CFAP57: variants seen among roughly 807,000 people sequenced by gnomAD.
CFAP57 encodes cilia and flagella associated protein 57, also known as cilia- and flagella-associated protein 57.
Under a neutral mutation model 146.8 loss-of-function variants are expected in CFAP57, and 116 were observed. That is an observed-to-expected ratio of 0.79 (90% CI 0.68 to 0.92). The LOEUF is 0.92. Ranked by LOEUF, CFAP57 falls within the 40% of genes least tolerant of loss-of-function variation. CFAP57 has a pLI of 0.00. For synonymous variants in CFAP57, 518 were observed against 552.8 expected, an observed-to-expected ratio of 0.94 and a Z score of 0.88; for missense variants, 1,377 against 1,527.2, an observed-to-expected ratio of 0.90 and a Z score of 1.64.
intron 18 of CFAP57, 36 bp from the exon 19 acceptor site, chr1:43,232,472 T>A (rs1435171443): frequency 9.9e-6 from 15 of 1,520,364 alleles, no homozygotes; most frequent in Non-Finnish European, 1.3e-5. Context: ...TTATCTAACT[T>A]TCTTCTTCTT....
At chr1:43,176,055 C>A (rs79479175) in intron 2 of CFAP57, among the ~76,000 whole-genome samples, 3,672 of 152,142 alleles carry the variant, frequency 0.024, 45 homozygotes, top group Middle Eastern at 0.034. Flanking sequence ...TCACCAGGGG[C>A]CTTGTACACA....
In CFAP57 at chr1:43,206,787, A is replaced by G; in HGVS notation, c.1610A>G (p.Tyr537Cys). Residue 537 changes from tyrosine (Y) to cysteine (C), a missense_variant, in exon 10 of 23, where the codon TAT (tyrosine) becomes TGT (cysteine). By Grantham distance (194) the Tyr-to-Cys change is radical (BLOSUM62 -2). Transcript: ENST00000372492. ...TCTGGTGGCACAGATGGTGCTGTGT[A>G]TGAATGGAATCTGTCCACAGGAAAG... Reference protein sequence around the residue: ...LISGGTDGAVYEWNLSTGKRE... With the variant: ...LISGGTDGAVCEWNLSTGKRE... 1 of 1,614,200 alleles carries G rather than the reference A, an allele frequency of 6.2e-7. No individual in the cohort carries two copies. The highest frequency in any genetic ancestry group is 8.5e-7 in the Non-Finnish European group (1 of 1,180,040).
chr1:43,198,506 C>T lies in CFAP57; in HGVS notation c.1288C>T (p.Gln430Ter), dbSNP rs755974272. 1 of 1,613,940 alleles carries T rather than the reference C, an allele frequency of 6.2e-7. No individual in the cohort carries two copies. The highest frequency in any genetic ancestry group is 8.5e-7 in the Non-Finnish European group (1 of 1,180,034). Residue 430 changes from glutamine (Q) to a stop codon, truncating the protein, a stop_gained, in exon 8 of 23, where the codon CAA (glutamine) becomes TAA (stop). Coordinates refer to ENST00000372492, the MANE Select transcript of CFAP57 (RefSeq NM_001378189.1). LOFTEE classifies it high-confidence loss of function. ...TNTLELFKEY[Q>*]EEAYSISLHP... ...CACCCTGGAACTATTTAAGGAATAC[C>T]AAGAAGAGGCATATTCCATCAGCCT...
intron 13 of CFAP57, among the ~76,000 whole-genome samples, chr1:43,220,168 T>C (rs1040968485): frequency 4.6e-5 from 7 of 152,222 alleles, no homozygotes; most frequent in Non-Finnish European, 1.0e-4. Context: ...ATTTAAATTT[T>C]GTTTTACATA....
chr1:43,217,428 C>A (rs1318577270), intron 12 of CFAP57, among the ~76,000 whole-genome samples: 8 of 152,078 alleles, frequency 5.3e-5, no homozygotes, highest in Admixed American at 5.2e-4. Flanking sequence ...CCAGGGCAGA[C>A]CCCTGGGATC....
chr1:43,174,187 T>G (rs1645083690), intron 2 of CFAP57, among the ~76,000 whole-genome samples: 1 of 152,242 alleles, frequency 6.6e-6, no homozygotes, highest in South Asian at 2.1e-4. Flanking sequence ...TATATATATG[T>G]CTTGCAAATA....
At position 43,254,107 on chromosome 1, in the gene CFAP57, G is replaced by A. The variant is rs41269537; in HGVS notation, c.3669G>A (p.Gln1223=). The change falls in exon 23 of 23, where the codon CAG becomes CAA. Residue 1223 remains glutamine, a synonymous_variant. Transcript: ENST00000372492. ...GAGACCAGATCCAAGAGCAAGAGCAGGTCACAGGGTTCCACACCCTCGCTG... is the reference window on the plus strand; with the variant it reads ...GAGACCAGATCCAAGAGCAAGAGCAAGTCACAGGGTTCCACACCCTCGCTG... ...RLRDQIQEQE[Q]VTGFHTLAGV... 6,012 of 1,550,694 alleles carry A rather than the reference G, an allele frequency of 3.9e-3. 99 individuals are homozygous for A. The East Asian group carries it at 0.067, about 17-fold the overall frequency.
At chr1:43,209,646 T>G in intron 10 of CFAP57, 97 bp from the exon 11 acceptor site, 1 of 1,252,408 alleles carries the variant, frequency 8.0e-7, no homozygotes, top group Non-Finnish European at 1.1e-6. Context: ...GACAAGCCCC[T>G]AGGGATCTGT....
At chr1:43,210,935 T>C (rs1356398784) in intron 11 of CFAP57, 1 of 65,662 alleles carries the variant, frequency 1.5e-5, no homozygotes, top group Non-Finnish European at 4.8e-5. Flanking sequence ...TTATTCATAG[T>C]GCAAAAAAAA....
At chr1:43,213,027 C>A (rs1644686640) in intron 11 of CFAP57, among the ~76,000 whole-genome samples, 1 of 152,124 alleles carries the variant, frequency 6.6e-6, no homozygotes, top group Non-Finnish European at 1.5e-5. Flanking sequence ...TTTAGCACCC[C>A]ACCAACCCAT....
At chr1:43,177,977 T>G (rs950313932) in intron 2 of CFAP57, among the ~76,000 whole-genome samples, 2 of 152,168 alleles carry the variant, frequency 1.3e-5, no homozygotes, top group African/African-American at 4.8e-5. Context: ...TGGGGAAGAA[T>G]CAGCAAAAGA....
In CFAP57 at chr1:43,185,179, A is replaced by C. The variant is rs1460109353; in HGVS notation, c.792A>C (p.Pro264=). Residue 264 remains proline, a synonymous_variant, in exon 5 of 23, where the codon CCA becomes CCC. Transcript: ENST00000372492. ...SLIEFPPVSS[P]LPSYEQMVAA... is the part of the protein sequence containing the mutation. ...TTGAATTTCCACCAGTCAGTTCTCC[A>C]CTCCCTTCCTATGAACAGATGGTGG... The C allele has an allele frequency of 6.2e-7, 1 of 1,613,504 alleles. No individual in the cohort carries two copies. Among genetic ancestry groups the C allele is most frequent in the Non-Finnish European group, 8.5e-7 (1 of 1,179,964 alleles).
At chr1:43,182,521 A>G (rs1157786978) in intron 3 of CFAP57, among the ~76,000 whole-genome samples, 1 of 152,218 alleles carries the variant, frequency 6.6e-6, no homozygotes, top group Non-Finnish European at 1.5e-5. Context: ...TATTCAACTC[A>G]CAAGATACTG....
chr1:43,219,147 T>G (rs1644949826), intron 12 of CFAP57, among the ~76,000 whole-genome samples: 1 of 152,202 alleles, frequency 6.6e-6, no homozygotes, highest in African/African-American at 2.4e-5. Flanking sequence ...TTGAATGAGA[T>G]GAGCGCATGA....
intron 2 of CFAP57, among the ~76,000 whole-genome samples, chr1:43,180,268 AAAATATATGCAGT>A (rs1177018807): frequency 2.0e-5 from 3 of 148,454 alleles, no homozygotes; most frequent in Non-Finnish European, 4.4e-5. Flanking sequence ...ATATTATTTA[AAAATATATGCAGT>A]AATATACTTT....
At chr1:43,241,451 T>C (rs1645916723) in intron 21 of CFAP57, among the ~76,000 whole-genome samples, 1 of 151,984 alleles carries the variant, frequency 6.6e-6, no homozygotes, top group African/African-American at 2.4e-5. Flanking sequence ...CCTGCTCCCT[T>C]CTGGGTTCCA....
chr1:43,212,751 G>C (rs1644668092), intron 11 of CFAP57, among the ~76,000 whole-genome samples: 1 of 151,994 alleles, frequency 6.6e-6, no homozygotes, highest in Admixed American at 6.6e-5. Flanking sequence ...TGGCCAACAT[G>C]ATGAAACCCC....
intron 18 of CFAP57, among the ~76,000 whole-genome samples, chr1:43,229,570 T>C (rs566090841): frequency 2.0e-5 from 3 of 148,724 alleles, no homozygotes; most frequent in Non-Finnish European, 3.0e-5. Flanking sequence ...CAACTTCTAA[T>C]AACACTTCCT....
rs763812322 is a variant in CFAP57 at position 43,183,824 on chromosome 1, C to T, written c.708C>T (p.Val236=). ...GDQRWETSIM[V]KEPTNGSKSL... ...AGCGTTGGGAGACCAGCATAATGGTCAAGGAACCTACCAATGGCTCAAAGA... is the reference window on the plus strand; with the variant it reads ...AGCGTTGGGAGACCAGCATAATGGTTAAGGAACCTACCAATGGCTCAAAGA... Residue 236 remains valine, a synonymous_variant, in exon 4 of 23, where the codon GTC becomes GTT. Transcript: ENST00000372492. 6.2e-7 allele frequency: 1 copy of T among 1,614,124 alleles called. No individual in the cohort carries two copies. The highest frequency in any genetic ancestry group is 2.2e-5 in the East Asian group (1 of 44,888).
Sources: gnomAD v4.1 joint callset for allele counts (sites outside exome capture counted in the v4.1 genomes callset) on GRCh38, gnomAD v4.1.1 for gene constraint, MANE v1.5 for transcripts, NCBI Gene and HGNC (gene_info 2026-07-23, HGNC 2026-07-21) for gene names.